The following STX8 variants were observed in gnomAD, a reference collection of about 807,000 sequenced individuals.
STX8 encodes syntaxin-8.
Under a neutral mutation model 37.5 loss-of-function variants are expected in STX8, and 23 were observed. The observed-to-expected ratio is 0.61, with a 90% CI of 0.44 to 0.87. The LOEUF (loss-of-function observed/expected upper bound fraction) is 0.87. STX8 is among the 40% of genes least tolerant of loss of function. The probability of loss-of-function intolerance (pLI) is 0.00; values close to 1 mark genes in which losing one functional copy is unlikely to be tolerated. For synonymous variants in STX8, 115 were observed against 99.1 expected, an observed-to-expected ratio of 1.16 and a Z score of -0.95; for missense variants, 313 against 284.7, an observed-to-expected ratio of 1.10 and a Z score of -0.71.
chr17:9,449,429 G>A (rs374052099), intron 6 of STX8, among the ~76,000 whole-genome samples: 126 of 152,298 alleles, frequency 8.3e-4, no homozygotes, highest in Middle Eastern at 3.4e-3. Flanking sequence ...ACATGGCGGC[G>A]GGCGCCTGTA....
chr17:9,545,241 T>A lies in STX8; in HGVS notation c.254A>T (p.Asp85Val), dbSNP rs1305124489. The A allele has an allele frequency of 2.5e-6, 4 of 1,614,172 alleles. No homozygotes were observed. The South Asian group carries it at 4.4e-5, about 18-fold the overall frequency. The change falls in exon 4 of 8, where the codon GAT becomes GTT. Residue 85 changes from aspartate (D) to valine (V), a missense_variant. Transcript: ENST00000306357. ...AAGTAGTCTCTCTCGAGTTACAAGA[T>A]CATCCAAGAGGTTCTGTCTTCGGTC... ...EGDRRQNLLD[D>V]LVTRERLLLA... is the part of the protein sequence containing the mutation.
intron 6 of STX8, among the ~76,000 whole-genome samples, chr17:9,463,187 G>A (rs1398982567): frequency 6.6e-6 from 1 of 152,134 alleles, no homozygotes; most frequent in African/African-American, 2.4e-5. Context: ...CGTGATTTGA[G>A]GCTGGTATTT....
chr17:9,468,683 C>T (rs1156608330), intron 6 of STX8, among the ~76,000 whole-genome samples: 1 of 150,620 alleles, frequency 6.6e-6, no homozygotes, highest in Non-Finnish European at 1.5e-5. Context: ...CTTCAACTGC[C>T]AGCCTCTCAA....
intron 7 of STX8, among the ~76,000 whole-genome samples, chr17:9,266,958 G>A (rs1206624827): frequency 6.6e-6 from 1 of 152,204 alleles, no homozygotes; most frequent in Non-Finnish European, 1.5e-5. Context: ...GGGCTCTCCT[G>A]TGTTCAAAAG....
chr17:9,427,589 G>C (rs1299049284), intron 6 of STX8, among the ~76,000 whole-genome samples: 2 of 152,146 alleles, frequency 1.3e-5, no homozygotes, highest in Non-Finnish European at 2.9e-5. Context: ...TACCTAGGGA[G>C]ATGACTTGGA....
chr17:9,478,457 G>A (rs1473478274), intron 6 of STX8, among the ~76,000 whole-genome samples: 2 of 152,098 alleles, frequency 1.3e-5, no homozygotes, highest in Admixed American at 6.6e-5. Context: ...TTTGAAGGCC[G>A]ACTTACGGTC....
rs752011960 is a variant in STX8, at chr17:9,545,215, G to A, written c.280C>T (p.Leu94=). The stretch of plus-strand genomic sequence containing the variant: ...GCACCCTCATTCTTAAAGGATGCCA[G>A]AAGTAGTCTCTCTCGAGTTACAAGA... ...DDLVTRERLL[L]ASFKNEGAEP... Residue 94 remains leucine, a synonymous_variant, in exon 4 of 8, where the codon CTG becomes TTG. Coordinates refer to ENST00000306357, the MANE Select transcript of STX8 (RefSeq NM_004853.3). 1.2e-5 allele frequency: 19 copies of A among 1,614,148 alleles called. No homozygotes were observed. The South Asian group carries it at 1.3e-4, about 11-fold the overall frequency.
chr17:9,551,475 C>G (rs961002207), intron 3 of STX8, among the ~76,000 whole-genome samples: 3 of 152,140 alleles, frequency 2.0e-5, no homozygotes. Flanking sequence ...TCAAGGAGGA[C>G]TTAGTATATG....
chr17:9,430,506 G>A (rs927120007), intron 6 of STX8, among the ~76,000 whole-genome samples: 1 of 151,548 alleles, frequency 6.6e-6, no homozygotes, highest in African/African-American at 2.4e-5. Flanking sequence ...TTATTTCACT[G>A]AATGTCTTCC....
intron 6 of STX8, among the ~76,000 whole-genome samples, chr17:9,414,573 C>T (rs111399410): frequency 2.3e-4 from 35 of 152,040 alleles, no homozygotes; most frequent in Admixed American, 5.2e-4. Flanking sequence ...TGTGTGAAGT[C>T]GAGTTGACAG....
At chr17:9,377,994 T>C (rs1299962197) in intron 7 of STX8, 1 of 152,968 alleles carries the variant, frequency 6.5e-6, no homozygotes, top group Non-Finnish European at 1.5e-5. Flanking sequence ...GTACACTTGT[T>C]AAATAATGAA....
chr17:9,550,758 T>C (rs905454497), intron 3 of STX8, among the ~76,000 whole-genome samples: 26 of 152,092 alleles, frequency 1.7e-4, no homozygotes, highest in Non-Finnish European at 8.8e-5. Flanking sequence ...GCTCCTGGAT[T>C]TTCTCTTATA....
intron 7 of STX8, among the ~76,000 whole-genome samples, chr17:9,349,477 C>T (rs1273823820): frequency 4.6e-5 from 7 of 151,674 alleles, no homozygotes; most frequent in Admixed American, 2.0e-4. Flanking sequence ...CCCACCACTA[C>T]GCCTGGCTAA....
In STX8 at chr17:9,400,109, T is replaced by A. The variant is rs533095660; in HGVS notation, c.542-21456A>T. 2.1e-4 allele frequency among the ~76,000 whole-genome samples: 28 copies of A among 133,286 alleles called. No homozygotes were observed. In the South Asian group the frequency reaches 3.1e-3, roughly 15 times the overall value. 87.4% of individuals were successfully genotyped at this position (133,286 alleles called of 152,430 possible). ...ATTTATTTAATTTGTTGTTATTATTTTTTTTTTTTTTGAGACGGAGTCTCA... is the reference window on the plus strand; with the variant it reads ...ATTTATTTAATTTGTTGTTATTATTATTTTTTTTTTTGAGACGGAGTCTCA... On this transcript the variant is annotated intron_variant, in intron 6 of 7. Coordinates refer to ENST00000306357, the MANE Select transcript of STX8 (RefSeq NM_004853.3).
chr17:9,552,147 C>T (rs959769652), intron 3 of STX8, among the ~76,000 whole-genome samples: 12 of 151,994 alleles, frequency 7.9e-5, no homozygotes, highest in African/African-American at 2.2e-4. Flanking sequence ...ACTAGAAGTT[C>T]GAGACCAGCC....
intron 4 of STX8, among the ~76,000 whole-genome samples, chr17:9,535,424 CTTTTTTTTTTT>C (rs35962202): frequency 1.6e-4 from 8 of 51,550 alleles, no homozygotes; most frequent in Admixed American, 3.7e-4. Flanking sequence ...AGCCATCCTA[CTTTTTTTTTTT>C]TTTTTTTTTT....
At chr17:9,478,250 C>G (rs1483834093) in intron 6 of STX8, among the ~76,000 whole-genome samples, 1 of 152,200 alleles carries the variant, frequency 6.6e-6, no homozygotes, top group Non-Finnish European at 1.5e-5. Flanking sequence ...ATTCTCCTAC[C>G]TCAGCCTCCT....
At chr17:9,533,107 T>C (rs1379320371) in intron 4 of STX8, among the ~76,000 whole-genome samples, 1 of 152,198 alleles carries the variant, frequency 6.6e-6, no homozygotes, top group Non-Finnish European at 1.5e-5. Flanking sequence ...ATTAACAAAA[T>C]ATATACAAGA....
intron 6 of STX8, among the ~76,000 whole-genome samples, chr17:9,475,434 T>C (rs1906058883): frequency 6.6e-6 from 1 of 151,704 alleles, no homozygotes; most frequent in Non-Finnish European, 1.5e-5. Context: ...TACAAAGAAG[T>C]GGTTATAAGG....
Sources: allele counts gnomAD v4.1 joint callset (sites outside exome capture counted in the v4.1 genomes callset), GRCh38; gene constraint gnomAD v4.1.1; transcripts MANE v1.5; gene names NCBI Gene and HGNC (gene_info 2026-07-23, HGNC 2026-07-21).